Variants in NDUFV2 observed in about 807,000 individuals in gnomAD.
NDUFV2 encodes the protein NADH:ubiquinone oxidoreductase core subunit V2.
In NDUFV2, 18 loss-of-function variants were observed where a neutral mutation model predicts 31.6. That is an observed-to-expected ratio of 0.57 (90% CI 0.39 to 0.84). The LOEUF is 0.84. NDUFV2 is among the 40% of genes least tolerant of loss of function. The pLI is 0.00. For missense variants in NDUFV2, 314 were observed against 303.6 expected, an observed-to-expected ratio of 1.03 and a Z score of -0.26; for synonymous variants, 83 against 99.8, an observed-to-expected ratio of 0.83 and a Z score of 1.01.
At chr18:9,121,110 A>T (rs2077932300) in intron 4 of NDUFV2, among the ~76,000 whole-genome samples, 2 of 152,058 alleles carry the variant, frequency 1.3e-5, no homozygotes, top group South Asian at 4.1e-4. Context: ...TTGTCCTATT[A>T]TATTTAGGGT....
chr18:9,114,710 CTG>C (rs2077889442), intron 1 of NDUFV2, among the ~76,000 whole-genome samples: 1 of 152,104 alleles, frequency 6.6e-6, no homozygotes, highest in African/African-American at 2.4e-5. Flanking sequence ...ATCTGAAAGT[CTG>C]TTTTTTTCCT....
At chr18:9,123,780 C>G (rs189184588) in intron 5 of NDUFV2, among the ~76,000 whole-genome samples, 80 of 152,202 alleles carry the variant, frequency 5.3e-4, no homozygotes, top group African/African-American at 1.8e-3. Flanking sequence ...TGTGAGCCAC[C>G]ATGCTTGGCC....
At chr18:9,131,080 T>C (rs2078036371) in intron 7 of NDUFV2, among the ~76,000 whole-genome samples, 1 of 152,240 alleles carries the variant, frequency 6.6e-6, no homozygotes, top group Non-Finnish European at 1.5e-5. Context: ...AGTCAGCACA[T>C]ATTTTGCATG....
intron 5 of NDUFV2, among the ~76,000 whole-genome samples, chr18:9,123,337 A>G (rs1233367957): frequency 6.6e-6 from 1 of 152,264 alleles, no homozygotes; most frequent in African/African-American, 2.4e-5. Flanking sequence ...AACACCATCA[A>G]GGTATAAATC....
chr18:9,104,286 C>A, intron 1 of NDUFV2: 2 of 1,611,526 alleles, frequency 1.2e-6, no homozygotes, highest in Non-Finnish European at 1.7e-6. Flanking sequence ...GAGCTCCTGG[C>A]GTGCCATACT....
intron 7 of NDUFV2, among the ~76,000 whole-genome samples, chr18:9,129,860 G>A (rs11660603): frequency 0.76 from 115,459 of 152,062 alleles, 44,304 homozygotes; most frequent in Middle Eastern, 0.88. Flanking sequence ...GTAGGGAATG[G>A]AATGAGCAAT....
chr18:9,105,331 A>G (rs1280160549), intron 1 of NDUFV2, among the ~76,000 whole-genome samples: 4 of 152,224 alleles, frequency 2.6e-5, no homozygotes, highest in Non-Finnish European at 5.9e-5. Context: ...AAATATGGCT[A>G]GAATTAAGTA....
At chr18:9,109,018 C>T (rs2077856273) in intron 1 of NDUFV2, among the ~76,000 whole-genome samples, 1 of 152,126 alleles carries the variant, frequency 6.6e-6, no homozygotes, top group African/African-American at 2.4e-5. Flanking sequence ...TGTAAAATTA[C>T]CTAGTCTGAA....
chr18:9,127,364 T>TA (rs1318916859), intron 7 of NDUFV2, among the ~76,000 whole-genome samples: 1 of 152,268 alleles, frequency 6.6e-6, no homozygotes, highest in Non-Finnish European at 1.5e-5. Context: ...GTTTTTCTCA[T>TA]ATGACATAGC....
chr18:9,118,429 A>ATC (rs2077910190), intron 2 of NDUFV2, among the ~76,000 whole-genome samples: 1 of 152,128 alleles, frequency 6.6e-6, no homozygotes. Flanking sequence ...TCAGGGATTA[A>ATC]TCTAGTATAA....
At chr18:9,109,940 T>G (rs1041100324) in intron 1 of NDUFV2, among the ~76,000 whole-genome samples, 2 of 152,224 alleles carry the variant, frequency 1.3e-5, no homozygotes, top group African/African-American at 4.8e-5. Context: ...CTGTTAATTT[T>G]GAGCTGTATA....
intron 4 of NDUFV2, among the ~76,000 whole-genome samples, chr18:9,122,057 C>T (rs966228071): frequency 3.3e-5 from 5 of 152,024 alleles, no homozygotes; most frequent in Non-Finnish European, 7.4e-5. Flanking sequence ...TGTTGCTGTA[C>T]CATTTGTATG....
chr18:9,117,564 C>T lies in NDUFV2; in HGVS notation c.55-274C>T, dbSNP rs1472944. On this transcript the variant is annotated intron_variant, in intron 1 of 7. Coordinates refer to ENST00000318388, the MANE Select transcript of NDUFV2 (RefSeq NM_021074.5). ...ATTCTCCAAATGCATGCCAGCAGAG[C>T]GTGGCAGGAAGGTACACAAGTCAGC... 0.6 allele frequency: 229,849 copies of T among 386,074 alleles called. 70,612 individuals carry two copies. Among genetic ancestry groups the T allele is most frequent in the South Asian group, 0.74 (22,791 of 30,896 alleles). 23.9% of individuals were successfully genotyped at this position (386,074 alleles called of 1,614,324 possible).
At chr18:9,122,760 T>G (rs1330590192) in intron 5 of NDUFV2, 79 bp downstream of exon 5, 1 of 1,471,668 alleles carries the variant, frequency 6.8e-7, no homozygotes, top group African/African-American at 1.4e-5. Context: ...TATCTAAAAT[T>G]TCCAACTTCT....
intron 6 of NDUFV2, 50 bp from the exon 7 acceptor site, chr18:9,126,781 G>A (rs374614116): frequency 1.6e-5 from 23 of 1,463,234 alleles, no homozygotes; most frequent in African/African-American, 1.3e-4. Context: ...TAAATATATC[G>A]ATATAAAAGA....
intron 2 of NDUFV2, 121 bp downstream of exon 2, chr18:9,118,024 T>C (rs1250408760): frequency 8.3e-6 from 6 of 721,894 alleles, no homozygotes; most frequent in Non-Finnish European, 1.5e-5. Context: ...ATCGTGAGAA[T>C]TTACATACAG....
rs148124234 is a variant in NDUFV2, at chr18:9,103,048, GAT to G, written c.54+264_54+265del. ...GGACAGAAAAGAGGGGCTGCTTGGT[GAT>G]ATATATATATATGTTTGTTTGTTTT... On this transcript the variant is annotated intron_variant, in intron 1 of 7. Coordinates refer to ENST00000318388, the MANE Select transcript of NDUFV2 (RefSeq NM_021074.5). 2,506 of 382,310 alleles carry G rather than the reference GAT, an allele frequency of 6.6e-3. No homozygotes were observed. Among genetic ancestry groups the G allele is most frequent in the South Asian group, 0.013 (345 of 27,536 alleles). The allele number at this position is 382,310 out of a possible 1,614,324, so 23.7% of individuals were successfully genotyped here. A position where few individuals can be genotyped will look rare whatever the true frequency, so the allele number is the denominator to read the frequency against.
intron 1 of NDUFV2, among the ~76,000 whole-genome samples, chr18:9,109,237 TA>T (rs2077857583): frequency 6.6e-6 from 1 of 152,218 alleles, no homozygotes; most frequent in African/African-American, 2.4e-5. Context: ...TTGGTGGATT[TA>T]ATCTGTAAAT....
intron 7 of NDUFV2, among the ~76,000 whole-genome samples, chr18:9,130,484 A>G (rs1007677361): frequency 6.6e-6 from 1 of 152,214 alleles, no homozygotes; most frequent in East Asian, 1.9e-4. Flanking sequence ...TTAGGTTTCA[A>G]TAATTGCAAG....
Sources: allele counts gnomAD v4.1 joint callset (sites outside exome capture counted in the v4.1 genomes callset), GRCh38; gene constraint gnomAD v4.1.1; transcripts MANE v1.5; gene names NCBI Gene and HGNC (gene_info 2026-07-23, HGNC 2026-07-21).